RNF38: variants seen among roughly 807,000 people sequenced by gnomAD.
RNF38 encodes E3 ubiquitin-protein ligase RNF38.
RNF38 carries 15 observed loss-of-function variants against 67.2 expected under a neutral mutation model. The observed-to-expected ratio is 0.22, with a 90% confidence interval of 0.15 to 0.34. The LOEUF is 0.34. Among genes scored for constraint, RNF38 ranks in the 10% least tolerant of loss-of-function variants. The probability of loss-of-function intolerance (pLI) is 1.00; values close to 1 mark genes in which losing one functional copy is unlikely to be tolerated. For synonymous variants in RNF38, 220 were observed against 218.8 expected (o/e 1.01, Z -0.05); for missense variants, 524 against 639.9 (o/e 0.82, Z 1.95).
In RNF38 at chr9:36,351,111, T is replaced by C; in HGVS notation, c.1263+4A>G. 1 of 1,595,170 alleles carries C rather than the reference T, an allele frequency of 6.3e-7. No homozygotes were observed. The highest frequency in any genetic ancestry group is 8.6e-7 in the Non-Finnish European group (1 of 1,163,688). On this transcript the variant is annotated splice_donor_region_variant and intron_variant, in intron 9 of 11. Coordinates refer to ENST00000259605, the MANE Select transcript of RNF38 (RefSeq NM_022781.5). ...CCAAATTAATTCACAATTCATCTACTAACCTCGTAATTTTCTACTTCTCCA... is the reference window on the plus strand; with the variant it reads ...CCAAATTAATTCACAATTCATCTACCAACCTCGTAATTTTCTACTTCTCCA...
intron 1 of RNF38, among the ~76,000 whole-genome samples, chr9:36,470,646 T>G (rs1839974608): frequency 6.6e-6 from 1 of 152,026 alleles, no homozygotes; most frequent in African/African-American, 2.4e-5. Flanking sequence ...TTAACAAGAT[T>G]GTCTAACCTT....
At chr9:36,447,751 T>A (rs1390707708) in intron 1 of RNF38, among the ~76,000 whole-genome samples, 1 of 152,190 alleles carries the variant, frequency 6.6e-6, no homozygotes, top group Non-Finnish European at 1.5e-5. Context: ...CCAACTACCA[T>A]TTGCTTTCTC....
intron 4 of RNF38, among the ~76,000 whole-genome samples, chr9:36,361,163 T>C (rs934464781): frequency 6.6e-6 from 1 of 151,848 alleles, no homozygotes; most frequent in Non-Finnish European, 1.5e-5. Flanking sequence ...GTATAGTCAT[T>C]TTTTCCCCAT....
intron 1 of RNF38, among the ~76,000 whole-genome samples, chr9:36,438,720 T>C (rs1284659598): frequency 5.3e-5 from 8 of 152,132 alleles, no homozygotes; most frequent in Non-Finnish European, 1.2e-4. Flanking sequence ...GGGATGACAA[T>C]GGTATTTCTA....
At position 36,336,771 on chromosome 9, in the gene RNF38, G is replaced by A. The variant is rs1832472386; in HGVS notation, c.*2981C>T. ...TAATGAAAAGGCCCAAAGATAATCT[G>A]TGAAAAATATTCTCACAAGTGAGTC... On this transcript the variant is annotated 3_prime_UTR_variant, in exon 12 of 12. Coordinates refer to ENST00000259605, the MANE Select transcript of RNF38 (RefSeq NM_022781.5). 6.6e-6 allele frequency: 1 copy of A among 152,556 alleles called. No homozygotes were observed. Among genetic ancestry groups the A allele is most frequent in the South Asian group, 2.1e-4 (1 of 4,828 alleles). 9.5% of individuals were successfully genotyped at this position (152,556 alleles called of 1,614,324 possible). A position where few individuals can be genotyped will look rare whatever the true frequency, so the allele number is the denominator to read the frequency against.
chr9:36,350,141 C>A (rs1357235951), intron 9 of RNF38, among the ~76,000 whole-genome samples: 2 of 152,176 alleles, frequency 1.3e-5, no homozygotes, highest in Non-Finnish European at 2.9e-5. Flanking sequence ...CTTAAAGAGG[C>A]TATCCTTCCC....
chr9:36,487,178 C>G (rs1034663685), intron 1 of RNF38: 1 of 588,534 alleles, frequency 1.7e-6, no homozygotes, highest in African/African-American at 2.0e-5. Flanking sequence ...GCTCCGGGGC[C>G]GGACAAAGCT....
At chr9:36,409,588 T>C (rs1321231243) in intron 2 of RNF38, among the ~76,000 whole-genome samples, 2 of 152,214 alleles carry the variant, frequency 1.3e-5, no homozygotes, top group Non-Finnish European at 2.9e-5. Flanking sequence ...GGAGCTCAAA[T>C]ACCTGTACAG....
intron 2 of RNF38, 99 bp downstream of exon 2, chr9:36,390,368 C>T (rs1036962415): frequency 3.0e-6 from 3 of 999,224 alleles, no homozygotes; most frequent in Non-Finnish European, 4.3e-6. Context: ...CAACAGAAAA[C>T]AAGGAGACGA....
intron 1 of RNF38, among the ~76,000 whole-genome samples, chr9:36,396,134 T>C (rs1436019960): frequency 6.6e-6 from 1 of 152,232 alleles, no homozygotes; most frequent in Non-Finnish European, 1.5e-5. Flanking sequence ...GAAGAGTACA[T>C]GGCACATAGC....
chr9:36,434,488 G>A (rs748074421), intron 1 of RNF38, among the ~76,000 whole-genome samples: 3 of 152,128 alleles, frequency 2.0e-5, no homozygotes, highest in Middle Eastern at 3.2e-3. Context: ...GGGTTCAAGC[G>A]ATTTCTCCTG....
chr9:36,372,190 A>G (rs913112134), intron 3 of RNF38, among the ~76,000 whole-genome samples: 1 of 152,018 alleles, frequency 6.6e-6, no homozygotes, highest in South Asian at 2.1e-4. Context: ...CAGCCTCCCA[A>G]AGTGCTGGGA....
chr9:36,486,131 A>C (rs1463857600), intron 1 of RNF38, among the ~76,000 whole-genome samples: 2 of 151,900 alleles, frequency 1.3e-5, no homozygotes, highest in African/African-American at 4.8e-5. Context: ...CAATGACTGA[A>C]TACCCTCTCC....
intron 9 of RNF38, among the ~76,000 whole-genome samples, chr9:36,345,592 C>T (rs1452194670): frequency 6.6e-6 from 1 of 152,154 alleles, no homozygotes; most frequent in Non-Finnish European, 1.5e-5. Flanking sequence ...GGTTGAGAAT[C>T]GCTGCTCTAA....
intron 2 of RNF38, among the ~76,000 whole-genome samples, chr9:36,377,024 T>C (rs189859690): frequency 1.3e-5 from 2 of 151,776 alleles, no homozygotes; most frequent in Admixed American, 1.3e-4. Context: ...TTAACTAGAA[T>C]ATCACAGCAG....
chr9:36,405,037 G>C (rs113240358), upstream of RNF38, among the ~76,000 whole-genome samples: 396 of 152,174 alleles, frequency 2.6e-3, 4 homozygotes, highest in African/African-American at 9.2e-3. Flanking sequence ...TTAGGAGGTC[G>C]AGGTAGGCAG....
upstream of RNF38, among the ~76,000 whole-genome samples, chr9:36,402,456 C>G (rs948101705): frequency 4.7e-5 from 7 of 150,528 alleles, no homozygotes; most frequent in South Asian, 1.3e-3. Flanking sequence ...ACTGTGGATT[C>G]GCCTTCCAAT....
At chr9:36,353,582 T>C (rs1183608232) in intron 6 of RNF38, among the ~76,000 whole-genome samples, 1 of 152,240 alleles carries the variant, frequency 6.6e-6, no homozygotes, top group Non-Finnish European at 1.5e-5. Context: ...CTATTTATTT[T>C]ACTATTTGAA....
chr9:36,427,657 CTCTATCTATCTATCTATCTATCTA>C (rs146556210), intron 1 of RNF38, among the ~76,000 whole-genome samples: 1,963 of 147,164 alleles, frequency 0.013, 24 homozygotes, highest in Admixed American at 0.028. Flanking sequence ...ATTTCCCAGC[CTCTATCTATCTATCTATCTATCTA>C]TCTATCTATC....
Sources: gnomAD v4.1 joint callset for allele counts (sites outside exome capture counted in the v4.1 genomes callset) on GRCh38, gnomAD v4.1.1 for gene constraint, MANE v1.5 for transcripts, NCBI Gene and HGNC (gene_info 2026-07-23, HGNC 2026-07-21) for gene names.